NKAIN3: variants seen among roughly 807,000 people sequenced by gnomAD.
NKAIN3 encodes sodium/potassium-transporting ATPase subunit beta-1-interacting protein 3.
In NKAIN3, 25 loss-of-function variants were observed where a neutral mutation model predicts 30.2. The ratio of observed to expected loss-of-function variants is 0.83; its 90% confidence interval spans 0.60 to 1.16. NKAIN3 has a LOEUF of 1.16. Ranked by LOEUF, NKAIN3 falls within the 50% of genes most tolerant of loss-of-function variation. NKAIN3 has a pLI of 0.00. For missense variants in NKAIN3, 225 were observed against 254.1 expected (o/e 0.89, Z 0.78); for synonymous variants, 91 against 89.6 (o/e 1.02, Z -0.09).
intron 4 of NKAIN3, among the ~76,000 whole-genome samples, chr8:62,822,494 C>G (rs1014287456): frequency 3.3e-5 from 5 of 152,036 alleles, no homozygotes; most frequent in Non-Finnish European, 2.9e-5. Flanking sequence ...TCCCAAAATA[C>G]CTAAATACCT....
chr8:62,696,033 A>G (rs1297216710), intron 3 of NKAIN3, among the ~76,000 whole-genome samples: 2 of 152,216 alleles, frequency 1.3e-5, no homozygotes, highest in Non-Finnish European at 2.9e-5. Flanking sequence ...ACGCAAAAAT[A>G]AATATACAAG....
intron 1 of NKAIN3, among the ~76,000 whole-genome samples, chr8:62,460,576 G>A (rs1489782104): frequency 2.0e-5 from 3 of 152,094 alleles, no homozygotes; most frequent in Admixed American, 6.6e-5. Flanking sequence ...ATTCACTTGA[G>A]TCCCATTCCC....
intron 1 of NKAIN3, among the ~76,000 whole-genome samples, chr8:62,399,631 CTA>C (rs1312809788): frequency 1.3e-5 from 2 of 152,136 alleles, no homozygotes; most frequent in African/African-American, 4.8e-5. Context: ...ATATAAATGA[CTA>C]TGTGATCTCT....
At chr8:62,783,518 A>G (rs1337210745) in intron 4 of NKAIN3, among the ~76,000 whole-genome samples, 1 of 152,126 alleles carries the variant, frequency 6.6e-6, no homozygotes, top group Admixed American at 6.6e-5. Flanking sequence ...GCAAGGATAT[A>G]AAAGACCTCC....
intron 1 of NKAIN3, among the ~76,000 whole-genome samples, chr8:62,529,422 T>G (rs1349180310): frequency 6.6e-6 from 1 of 152,146 alleles, no homozygotes; most frequent in Admixed American, 6.5e-5. Context: ...ATTCAGACAT[T>G]GAAATCCTAA....
At chr8:62,593,643 T>C in intron 3 of NKAIN3, among the ~76,000 whole-genome samples, 1 of 151,952 alleles carries the variant, frequency 6.6e-6, no homozygotes, top group South Asian at 2.1e-4. Flanking sequence ...AGAAAAAAAT[T>C]AAACAATCAA....
At chr8:62,741,619 A>G (rs1447474849) in intron 3 of NKAIN3, among the ~76,000 whole-genome samples, 2 of 152,166 alleles carry the variant, frequency 1.3e-5, no homozygotes, top group African/African-American at 2.4e-5. Flanking sequence ...TCTGTAAACA[A>G]CTACCTCAGC....
chr8:62,303,509 A>G (rs1234774561), intron 1 of NKAIN3, among the ~76,000 whole-genome samples: 9 of 150,666 alleles, frequency 6.0e-5, no homozygotes, highest in Non-Finnish European at 1.3e-4. Context: ...TCCTTTTGGA[A>G]TTGTAGGTTA....
intron 1 of NKAIN3, among the ~76,000 whole-genome samples, chr8:62,353,393 TC>T (rs968211661): frequency 5.9e-5 from 9 of 152,204 alleles, no homozygotes; most frequent in Non-Finnish European, 1.0e-4. Context: ...ATTTCAGAAA[TC>T]CCCAGGCTGC....
intron 4 of NKAIN3, among the ~76,000 whole-genome samples, chr8:62,798,716 G>A (rs1311084772): frequency 6.6e-6 from 1 of 152,196 alleles, no homozygotes; most frequent in Non-Finnish European, 1.5e-5. Context: ...GCAGAACTGA[G>A]ATAATAAATT....
intron 5 of NKAIN3, among the ~76,000 whole-genome samples, chr8:62,951,200 C>A (rs563739824): frequency 6.6e-6 from 1 of 151,988 alleles, no homozygotes; most frequent in South Asian, 2.1e-4. Context: ...CCTACCAGCA[C>A]CTCTTCCCAC....
At chr8:62,584,109 G>A (rs1810398040) in intron 2 of NKAIN3, among the ~76,000 whole-genome samples, 1 of 152,166 alleles carries the variant, frequency 6.6e-6, no homozygotes, top group South Asian at 2.1e-4. Flanking sequence ...TTCTGGAGCA[G>A]AAATCCATAC....
intron 4 of NKAIN3, among the ~76,000 whole-genome samples, chr8:62,891,337 C>T (rs547385292): frequency 1.3e-5 from 2 of 152,342 alleles, no homozygotes; most frequent in Middle Eastern, 3.4e-3. Context: ...AGCTTTTGGA[C>T]TCTTGGACTT....
chr8:62,490,451 G>A (rs899159570), intron 1 of NKAIN3, among the ~76,000 whole-genome samples: 10 of 152,068 alleles, frequency 6.6e-5, no homozygotes, highest in Admixed American at 6.6e-4. Context: ...AATTTACATG[G>A]CTACCTTCTT....
chr8:62,933,999 A>G (rs577789076), intron 5 of NKAIN3, among the ~76,000 whole-genome samples: 1 of 152,342 alleles, frequency 6.6e-6, no homozygotes, highest in Admixed American at 6.5e-5. Flanking sequence ...GGAATGATTG[A>G]GGGCATATCT....
chr8:62,789,976 T>C (rs1181741093), intron 4 of NKAIN3, among the ~76,000 whole-genome samples: 3 of 152,094 alleles, frequency 2.0e-5, no homozygotes, highest in African/African-American at 7.2e-5. Flanking sequence ...GCCAGCATCA[T>C]CCTGATACCA....
Position 62,968,004 on chromosome 8 carries a change from G to A in NKAIN3, c.*2597G>A, listed in dbSNP as rs1275882022. Among the ~76,000 whole-genome samples, 3 of 152,166 alleles carry A rather than the reference G, an allele frequency of 2.0e-5. No homozygotes were observed. The highest frequency in any genetic ancestry group is 7.2e-5 in the African/African-American group (3 of 41,448). ...TCAATGTAGGCAACTATTTAATATG[G>A]TGTATATGTTTTCATTTTTAATCTT... On this transcript the variant is annotated 3_prime_UTR_variant, in exon 7 of 7. Coordinates refer to ENST00000623646, the MANE Select transcript of NKAIN3 (RefSeq NM_001304533.3).
intron 3 of NKAIN3, among the ~76,000 whole-genome samples, chr8:62,681,975 A>G (rs1459244889): frequency 6.6e-6 from 1 of 152,160 alleles, no homozygotes; most frequent in Non-Finnish European, 1.5e-5. Flanking sequence ...AAAATGGTGG[A>G]TAGGAAGCAG....
intron 1 of NKAIN3, among the ~76,000 whole-genome samples, chr8:62,278,671 T>C (rs1323098480): frequency 1.3e-5 from 2 of 152,128 alleles, no homozygotes; most frequent in Non-Finnish European, 2.9e-5. Flanking sequence ...GAATGATAGT[T>C]TCCAGCTTCA....
Sources: gnomAD v4.1 joint callset for allele counts (sites outside exome capture counted in the v4.1 genomes callset) on GRCh38, gnomAD v4.1.1 for gene constraint, MANE v1.5 for transcripts, NCBI Gene and HGNC (gene_info 2026-07-23, HGNC 2026-07-21) for gene names.